The following SLC38A8 variants were observed in gnomAD, a reference collection of about 807,000 sequenced individuals.
The protein encoded by SLC38A8 is solute carrier family 38 member 8.
A neutral mutation model predicts 46.0 loss-of-function variants in SLC38A8; 65 were observed. That is an observed-to-expected ratio of 1.41 (90% CI 1.16 to 1.74). The LOEUF (loss-of-function observed/expected upper bound fraction) is 1.74, where lower values mean the gene tolerates loss of function less well. SLC38A8 is among the 40% of genes most tolerant of loss of function. SLC38A8 has a pLI of 0.00. For synonymous variants in SLC38A8, 447 were observed against 243.7 expected, an observed-to-expected ratio of 1.83 and a Z score of -7.77; for missense variants, 998 against 567.9, an observed-to-expected ratio of 1.76 and a Z score of -7.70.
chr16:84,017,200 G>T lies in SLC38A8; in HGVS notation c.893C>A (p.Ala298Asp). The change falls in exon 8 of 11, where the codon GCC (alanine) becomes GAC (aspartate). Residue 298 changes from alanine (A) to aspartate (D), a missense_variant. By Grantham distance (126) the Ala-to-Asp change is moderately radical (BLOSUM62 -2). Transcript: ENST00000299709. Reference sequence around the variant, plus strand: ...GATGGAGACAGCAAAAAGGACCCGGGCCACAATGATGACCATATCATTGCC... The same window carrying T: ...GATGGAGACAGCAAAAAGGACCCGGTCCACAATGATGACCATATCATTGCC... ...YPGNDMVIIV[A>D]RVLFAVSIVT... 6.2e-7 allele frequency: 1 copy of T among 1,614,134 alleles called. No homozygotes were observed. The highest frequency in any genetic ancestry group is 2.2e-5 in the East Asian group (1 of 44,890).
At chr16:84,018,453 T>G (rs988029797) in intron 7 of SLC38A8, among the ~76,000 whole-genome samples, 110 of 152,134 alleles carry the variant, frequency 7.2e-4, no homozygotes, top group Non-Finnish European at 1.1e-3. Flanking sequence ...TCTCCTGACC[T>G]CGTGATCCAC....
At chr16:84,011,910 G>A (rs966318662) in intron 10 of SLC38A8, among the ~76,000 whole-genome samples, 6 of 152,046 alleles carry the variant, frequency 3.9e-5, no homozygotes, top group African/African-American at 1.2e-4. Context: ...AAAAGCAGAG[G>A]GATTTCTGAG....
chr16:84,024,314 A>G (rs2085134733), intron 6 of SLC38A8, among the ~76,000 whole-genome samples: 2 of 152,130 alleles, frequency 1.3e-5, no homozygotes, highest in Admixed American at 6.5e-5. Flanking sequence ...TAGAATCTAC[A>G]TACTGTATAT....
Position 84,022,806 on chromosome 16 carries a change from C to A in SLC38A8, c.774G>T (p.Leu258Phe). ...SHWALVSVLSLLACCLIYSLT... is the reference protein window; with the variant it reads ...SHWALVSVLSFLACCLIYSLT... ...GTGAATAGATGAGGCAGCAGGCCAG[C>A]AAGGACAGCACAGACACCAGGGCCC... The change falls in exon 7 of 11, where the codon TTG becomes TTT. Residue 258 changes from leucine (L) to phenylalanine (F), a missense_variant. Leu to Phe is a conservative substitution (Grantham distance 22, BLOSUM62 0). Transcript: ENST00000299709. 1 of 1,614,122 alleles carries A rather than the reference C, an allele frequency of 6.2e-7. No individual in the cohort carries two copies. Among genetic ancestry groups the A allele is most frequent in the Non-Finnish European group, 8.5e-7 (1 of 1,180,006 alleles).
At chr16:84,020,937 A>C (rs564152689) in intron 7 of SLC38A8, among the ~76,000 whole-genome samples, 1 of 152,094 alleles carries the variant, frequency 6.6e-6, no homozygotes, top group Admixed American at 6.5e-5. Context: ...TTGATGATCA[A>C]TTTCATCTTC....
intron 10 of SLC38A8, among the ~76,000 whole-genome samples, chr16:84,011,694 G>A (rs1264470894): frequency 6.6e-6 from 1 of 152,154 alleles, no homozygotes; most frequent in East Asian, 1.9e-4. Flanking sequence ...TAGATTTAGG[G>A]TGGACCCTAA....
intron 6 of SLC38A8, 49 bp from the exon 7 acceptor site, chr16:84,022,938 G>C (rs375734361): frequency 2.8e-6 from 4 of 1,412,752 alleles, no homozygotes; most frequent in African/African-American, 2.9e-5. Flanking sequence ...CCCTGGAACA[G>C]GCGATGCGAA....
At chr16:84,030,212 C>A (rs927091114) in intron 5 of SLC38A8, among the ~76,000 whole-genome samples, 4 of 152,038 alleles carry the variant, frequency 2.6e-5, no homozygotes, top group Non-Finnish European at 4.4e-5. Context: ...TCGCCGCGGC[C>A]CCCAGAAGCA....
At chr16:84,036,649 G>C (rs986433009) in intron 3 of SLC38A8, 53 bp downstream of exon 3, 94 of 1,597,928 alleles carry the variant, frequency 5.9e-5, no homozygotes, top group Non-Finnish European at 7.9e-5. Flanking sequence ...ACTCCAAGAG[G>C]TCATTAGAGG....
intron 10 of SLC38A8, 84 bp from the exon 11 acceptor site, chr16:84,009,961 G>C (rs2084935505): frequency 1.7e-6 from 2 of 1,199,384 alleles, no homozygotes; most frequent in Non-Finnish European, 2.4e-6. Context: ...TCACTATGTA[G>C]AGCCCAGTAT....
At position 84,013,026 on chromosome 16, in the gene SLC38A8, C is replaced by T. The variant is rs778443799; in HGVS notation, c.1189G>A (p.Val397Ile). 9.9e-6 allele frequency: 16 copies of T among 1,614,042 alleles called. No homozygotes were observed. The highest frequency in any genetic ancestry group is 1.3e-5 in the Non-Finnish European group (15 of 1,180,012). The change falls in exon 10 of 11, where the codon GTC (valine) becomes ATC (isoleucine). Residue 397 changes from valine to isoleucine, a missense_variant. Val to Ile is a conservative substitution (Grantham distance 29). Coordinates refer to ENST00000299709, the MANE Select transcript of SLC38A8 (RefSeq NM_001080442.3). ...PGLCLICAMG[V>I]EPIGPRVKCC... ...TTGACTCTTGGTCCTATAGGCTCGA[C>T]ACCCATTGCACAGATGAGGCACAAA...
chr16:84,037,501 C>G (rs2085314307), intron 2 of SLC38A8, among the ~76,000 whole-genome samples: 1 of 152,228 alleles, frequency 6.6e-6, no homozygotes, highest in South Asian at 2.1e-4. Flanking sequence ...TGGCTCATGC[C>G]TGCAATCCCA....
At chr16:84,024,424 C>T (rs72799223) in intron 6 of SLC38A8, among the ~76,000 whole-genome samples, 10,527 of 152,178 alleles carry the variant, frequency 0.069, 918 homozygotes, top group African/African-American at 0.21. Flanking sequence ...AGCGACCCTC[C>T]TGCTTTGGCC....
intron 9 of SLC38A8, among the ~76,000 whole-genome samples, chr16:84,014,312 G>T (rs2084997263): frequency 6.7e-6 from 1 of 149,708 alleles, no homozygotes; most frequent in Admixed American, 6.6e-5. Context: ...TGAATAAGGA[G>T]CTGCGTGGCC....
At chr16:84,041,452 A>T (rs1402465751) in intron 2 of SLC38A8, 1 of 152,948 alleles carries the variant, frequency 6.5e-6, no homozygotes, top group Non-Finnish European at 1.5e-5. Flanking sequence ...AACTTGGATT[A>T]CAGGCGCCCG....
At chr16:84,012,665 G>T (rs2084968214) in intron 10 of SLC38A8, among the ~76,000 whole-genome samples, 1 of 152,218 alleles carries the variant, frequency 6.6e-6, no homozygotes, top group Admixed American at 6.5e-5. Flanking sequence ...AACCCAGCCT[G>T]CACCCTGATC....
intron 2 of SLC38A8, among the ~76,000 whole-genome samples, chr16:84,038,359 T>C (rs926865079): frequency 2.0e-5 from 3 of 151,326 alleles, no homozygotes; most frequent in Non-Finnish European, 2.9e-5. Context: ...AACGTTACAG[T>C]GAACACCCCT....
intron 2 of SLC38A8, among the ~76,000 whole-genome samples, chr16:84,040,496 G>A (rs2085355554): frequency 6.6e-6 from 1 of 152,200 alleles, no homozygotes; most frequent in African/African-American, 2.4e-5. Context: ...CACGGTGCTT[G>A]TGGAACAGGG....
At chr16:84,029,384 G>C in intron 6 of SLC38A8, 110 bp downstream of exon 6, 1 of 1,117,606 alleles carries the variant, frequency 8.9e-7, no homozygotes, top group Non-Finnish European at 1.3e-6. Context: ...TATCCTAGGA[G>C]AAGTCCTCAG....
Sources: gnomAD v4.1 joint callset for allele counts (sites outside exome capture counted in the v4.1 genomes callset) on GRCh38, gnomAD v4.1.1 for gene constraint, MANE v1.5 for transcripts, NCBI Gene and HGNC (gene_info 2026-07-23, HGNC 2026-07-21) for gene names.